The following SNURF variants were observed in gnomAD, a reference collection of about 807,000 sequenced individuals.
The protein encoded by SNURF is SNURF protein.
A neutral mutation model predicts 11.6 loss-of-function variants in SNURF; 6 were observed. The ratio of observed to expected loss-of-function variants is 0.52; its 90% CI spans 0.28 to 1.02. The LOEUF is 1.02. Ranked by LOEUF, SNURF falls within the 50% of genes least tolerant of loss-of-function variation. The pLI, the probability that SNURF is intolerant of heterozygous loss-of-function variation, is 0.09. For missense variants in SNURF, 84 were observed against 88.4 expected, an observed-to-expected ratio of 0.95 and a Z score of 0.20; for synonymous variants, 29 against 31.6, an observed-to-expected ratio of 0.92 and a Z score of 0.27.
downstream of SNURF, chr15:24,968,472 T>G (rs1437589114): frequency 6.4e-6 from 1 of 157,384 alleles, no homozygotes; most frequent in Non-Finnish European, 1.4e-5. Context: ...AAACTTAGAA[T>G]AATTTTTTCA....
At chr15:24,956,254 T>C (rs201416814) in intron 1 of SNURF, among the ~76,000 whole-genome samples, 1 of 151,416 alleles carries the variant, frequency 6.6e-6, no homozygotes, top group African/African-American at 2.4e-5. Flanking sequence ...TGGAAGGCTA[T>C]GTCGAAATAA....
intron 1 of SNURF, among the ~76,000 whole-genome samples, chr15:24,960,100 AC>A (rs1566956454): frequency 6.6e-6 from 1 of 152,144 alleles, no homozygotes; most frequent in Non-Finnish European, 1.5e-5. Flanking sequence ...CCCTGTCTCT[AC>A]TATAAATACA....
chr15:24,973,761 CTATATA>C (rs141531099), downstream of SNURF, among the ~76,000 whole-genome samples: 2 of 151,542 alleles, frequency 1.3e-5, no homozygotes, highest in African/African-American at 4.8e-5. Flanking sequence ...TTATGTGAGT[CTATATA>C]TATATATTCC....
downstream of SNURF, chr15:24,978,383 T>A: frequency 6.2e-7 from 1 of 1,614,074 alleles, no homozygotes; most frequent in Non-Finnish European, 8.5e-7. Flanking sequence ...CCTCTTTTTC[T>A]CAATGTTTCT....
chr15:24,969,783 G>A (rs914061042), downstream of SNURF, among the ~76,000 whole-genome samples: 2 of 152,100 alleles, frequency 1.3e-5, no homozygotes, highest in African/African-American at 4.8e-5. Context: ...CCCATTACTA[G>A]TATTCCTGTA....
At chr15:24,957,351 C>T (rs1445628254) in intron 1 of SNURF, among the ~76,000 whole-genome samples, 1 of 152,138 alleles carries the variant, frequency 6.6e-6, no homozygotes, top group Non-Finnish European at 1.5e-5. Context: ...AAAGTGGAGA[C>T]AATCTTATTG....
chr15:24,959,558 T>C (rs1276222690), intron 1 of SNURF, among the ~76,000 whole-genome samples: 1 of 152,222 alleles, frequency 6.6e-6, no homozygotes, highest in Non-Finnish European at 1.5e-5. Context: ...AACTGCCGAA[T>C]GGGTTCTTTT....
intron 2 of SNURF, 76 bp downstream of exon 2, chr15:24,962,285 G>A (rs2074958063): frequency 8.5e-7 from 1 of 1,176,216 alleles, no homozygotes; most frequent in Non-Finnish European, 1.3e-6. Context: ...CATGCAATGA[G>A]GGGATTAAAA....
intron 4 of SNURF, chr15:24,975,571 C>T: frequency 2.1e-6 from 3 of 1,415,100 alleles, no homozygotes; most frequent in Non-Finnish European, 3.0e-6. Flanking sequence ...AAGGCCAGAG[C>T]TGGAGTAAGG....
downstream of SNURF, chr15:24,978,017 C>G: frequency 8.0e-7 from 1 of 1,252,198 alleles, no homozygotes; most frequent in Non-Finnish European, 1.1e-6. Flanking sequence ...GGGGAATATG[C>G]TTCCTTCTTC....
chr15:24,976,077 C>T (rs1009673391), intron 4 of SNURF, among the ~76,000 whole-genome samples: 2 of 152,110 alleles, frequency 1.3e-5, no homozygotes, highest in African/African-American at 4.8e-5. Context: ...TGTAGTGTAA[C>T]ATCAAAGGAA....
rs1555404319 is a variant in SNURF, at chr15:24,956,354, C to CGGGCG, written c.14+1295_14+1296insCGGGG. 5.1e-5 allele frequency among the ~76,000 whole-genome samples: 7 copies of CGGGCG among 138,158 alleles called. 1 individual carries two copies. The highest frequency in any genetic ancestry group is 2.5e-4 in the East Asian group (1 of 4,062). 90.6% of individuals were successfully genotyped at this position (138,158 alleles called of 152,430 possible). On this transcript the variant is annotated intron_variant, in intron 1 of 2. Coordinates refer to ENST00000577949, the Ensembl canonical transcript of SNURF. Reference sequence around the variant, plus strand: ...GCTTAGATCTGCGCAAGCGCTTCAGCGGGGGGGTGGCCGCTTCCTCCCTGT... The same window carrying CGGGCG: ...GCTTAGATCTGCGCAAGCGCTTCAGCGGGCGGGGGGGGTGGCCGCTTCCTCCCTGT...
chr15:24,963,164 G>A (rs1310285424), intron 2 of SNURF, among the ~76,000 whole-genome samples: 1 of 152,134 alleles, frequency 6.6e-6, no homozygotes, highest in Non-Finnish European at 1.5e-5. Flanking sequence ...TTGACAATAT[G>A]TCTTGGTGAT....
At chr15:24,972,760 G>A (rs2076585097), downstream of SNURF, among the ~76,000 whole-genome samples, 1 of 151,086 alleles carries the variant, frequency 6.6e-6, no homozygotes, top group Admixed American at 6.6e-5. Context: ...GGAGAAAAGG[G>A]AAACATTATG....
At chr15:24,968,027 G>A (rs1413637504) in exon 3 of SNURF, 1 of 1,614,102 alleles carries the variant, frequency 6.2e-7, no homozygotes, top group Non-Finnish European at 8.5e-7. Flanking sequence ...GAGACACCAA[G>A]AGGTGGTTAA....
At chr15:24,968,423 C>T (rs1169550678), downstream of SNURF, 1 of 186,118 alleles carries the variant, frequency 5.4e-6, no homozygotes, top group African/African-American at 2.4e-5. Flanking sequence ...TTTTTTCTGC[C>T]AGTAGTTTGA....
At position 24,976,410 on chromosome 15, in the gene SNURF, C is replaced by G. The variant is rs200650114; in HGVS notation, c.*303C>G. On this transcript the variant is annotated 3_prime_UTR_variant and NMD_transcript_variant, in exon 5 of 7. Coordinates refer to the SNURF transcript ENST00000580062. Reference sequence around the variant, plus strand: ...CCATGACTGTGGAGGGGCCACCCCCCAAAGATGTAAGGAAGATGTAGGGCA... The same window carrying G: ...CCATGACTGTGGAGGGGCCACCCCCGAAAGATGTAAGGAAGATGTAGGGCA... The G allele has an allele frequency of 1.3e-4, 216 of 1,604,680 alleles. No homozygotes were observed. The African/African-American group carries it at 2.2e-3, about 17-fold the overall frequency.
chr15:24,955,920 T>G (rs2062787035), intron 1 of SNURF, among the ~76,000 whole-genome samples: 1 of 151,656 alleles, frequency 6.6e-6, no homozygotes, highest in African/African-American at 2.4e-5. Flanking sequence ...GAATGATTGC[T>G]GTGTAGAGGA....
chr15:24,970,759 A>G (rs1392201843), downstream of SNURF, among the ~76,000 whole-genome samples: 1 of 152,188 alleles, frequency 6.6e-6, no homozygotes, highest in Non-Finnish European at 1.5e-5. Flanking sequence ...GATGGCCACT[A>G]AAAATTAGTA....
Sources: allele counts gnomAD v4.1 joint callset (sites outside exome capture counted in the v4.1 genomes callset), GRCh38; gene constraint gnomAD v4.1.1; transcripts MANE v1.5; gene names NCBI Gene and HGNC (gene_info 2026-07-23, HGNC 2026-07-21).